CKAP5: variants seen among roughly 807,000 people sequenced by gnomAD.
The protein encoded by CKAP5 is cytoskeleton associated protein 5.
CKAP5 carries 27 observed loss-of-function variants against 232.8 expected under a neutral mutation model. The ratio of observed to expected loss-of-function variants is 0.12; its 90% confidence interval spans 0.09 to 0.16. The LOEUF is 0.16. Ranked by LOEUF, CKAP5 falls within the 10% of genes least tolerant of loss-of-function variation. The pLI, the probability that CKAP5 is intolerant of heterozygous loss-of-function variation, is 1.00. For synonymous variants in CKAP5, 785 were observed against 841.1 expected (o/e 0.93, Z 1.16); for missense variants, 1,838 against 2,424.7 (o/e 0.76, Z 5.08).
intron 1 of CKAP5, among the ~76,000 whole-genome samples, chr11:46,844,439 A>C (rs919931539): frequency 4.6e-5 from 7 of 152,150 alleles, no homozygotes; most frequent in Non-Finnish European, 1.0e-4. Context: ...AACAAACAAA[A>C]AACACCAAAA....
chr11:46,797,417 G>A (rs964894117), intron 11 of CKAP5, among the ~76,000 whole-genome samples: 1 of 151,736 alleles, frequency 6.6e-6, no homozygotes, highest in African/African-American at 2.4e-5. Context: ...AAATTTTTCG[G>A]GTTAAGGAAA....
intron 1 of CKAP5, among the ~76,000 whole-genome samples, chr11:46,827,766 C>G (rs574476872): frequency 6.6e-6 from 1 of 152,310 alleles, no homozygotes; most frequent in East Asian, 1.9e-4. Flanking sequence ...GTGCAATCAT[C>G]TAATTTAATA....
At chr11:46,762,876 C>A (rs1464149952) in intron 30 of CKAP5, 100 bp downstream of exon 30, 2 of 1,438,906 alleles carry the variant, frequency 1.4e-6, no homozygotes, top group South Asian at 1.2e-5. Flanking sequence ...AGGGAAGGTA[C>A]CGTGATATAA....
chr11:46,799,251 T>C (rs1027219210), intron 9 of CKAP5, among the ~76,000 whole-genome samples: 4 of 152,120 alleles, frequency 2.6e-5, no homozygotes, highest in Non-Finnish European at 5.9e-5. Context: ...GGTTTCTCCA[T>C]GTTGCCCAGG....
chr11:46,790,092 A>C lies in CKAP5; in HGVS notation c.1859T>G (p.Met620Arg). The change falls in exon 15 of 44, where the codon ATG (methionine) becomes AGG (arginine). Residue 620 changes from methionine (M) to arginine (R), a missense_variant. Physicochemically the swap from Met to Arg is moderately conservative, Grantham distance 91 (BLOSUM62 -1). This residue lies in a region of CKAP5 where 767 missense variants were observed against 954.6 expected (regional missense o/e 0.80). Coordinates refer to ENST00000529230, the MANE Select transcript of CKAP5 (RefSeq NM_001008938.4). ...ATGCACTACCTTCTGGAACTCTTCCATACAAGCCAGCCTTTCTTTCCAGTT... is the reference window on the plus strand; with the variant it reads ...ATGCACTACCTTCTGGAACTCTTCCCTACAAGCCAGCCTTTCTTTCCAGTT... Reference protein sequence around the residue: ...SSNWKERLACMEEFQKAVELM... With the variant: ...SSNWKERLACREEFQKAVELM... The C allele has an allele frequency of 1.9e-6, 3 of 1,611,094 alleles. No homozygotes were observed. The highest frequency in any genetic ancestry group is 2.5e-6 in the Non-Finnish European group (3 of 1,177,642).
intron 1 of CKAP5, among the ~76,000 whole-genome samples, chr11:46,826,580 C>T (rs1438150465): frequency 6.6e-6 from 1 of 152,204 alleles, no homozygotes; most frequent in African/African-American, 2.4e-5. Context: ...AAGCACCCTA[C>T]GGCTGCTGTC....
chr11:46,807,482 G>A (rs1939183610), intron 8 of CKAP5, among the ~76,000 whole-genome samples: 1 of 152,182 alleles, frequency 6.6e-6, no homozygotes. Context: ...CATATCCACA[G>A]TGTTTGATCT....
At chr11:46,805,742 C>T (rs1424928888) in intron 8 of CKAP5, among the ~76,000 whole-genome samples, 1 of 152,160 alleles carries the variant, frequency 6.6e-6, no homozygotes, top group Non-Finnish European at 1.5e-5. Context: ...TCGAGACTAG[C>T]CTGGCCAACA....
At chr11:46,826,673 G>C (rs907250914) in intron 1 of CKAP5, 3 of 152,284 alleles carry the variant, frequency 2.0e-5, no homozygotes, top group African/African-American at 4.8e-5. Context: ...CTTAGCCTCT[G>C]ATAGGCCAGC....
intron 12 of CKAP5, 79 bp downstream of exon 12, chr11:46,796,733 A>C: frequency 6.5e-7 from 1 of 1,536,836 alleles, no homozygotes; most frequent in Non-Finnish European, 8.9e-7. Context: ...CCAGTACTCT[A>C]TAACTGTCAA....
At chr11:46,804,707 T>G (rs1939113358) in intron 8 of CKAP5, among the ~76,000 whole-genome samples, 1 of 151,956 alleles carries the variant, frequency 6.6e-6, no homozygotes, top group Admixed American at 6.6e-5. Context: ...TTACTGTGTT[T>G]AGAAAACTAT....
rs1412610148 is a variant in CKAP5, at chr11:46,763,059, A to AT, written c.3807dup (p.Leu1270IlefsTer8). 1 of 1,613,634 alleles carries AT rather than the reference A, an allele frequency of 6.2e-7. No individual in the cohort carries two copies. Among genetic ancestry groups the AT allele is most frequent in the Non-Finnish European group, 8.5e-7 (1 of 1,179,532 alleles). ...TCTTCACTTAGCAAGGTGAAGAGCA[A>AT]TTTTAAATATTCTAGTGCTTTCATC... On this transcript the variant is annotated frameshift_variant, in exon 30 of 44. Coordinates refer to ENST00000529230, the MANE Select transcript of CKAP5 (RefSeq NM_001008938.4). LOFTEE classifies it high-confidence loss of function.
In CKAP5 at chr11:46,802,569, C is replaced by T. The variant is rs540610829; in HGVS notation, c.979-1265G>A. 1.4e-3 allele frequency among the ~76,000 whole-genome samples: 209 copies of T among 152,002 alleles called. 5 individuals are homozygous for T. The South Asian group carries it at 0.042, about 30-fold the overall frequency. On this transcript the variant is annotated intron_variant, in intron 8 of 43. Transcript: ENST00000529230. ...AGACAGACAGACAGACACACACACA[C>T]ACACACACACACACACACGGCTGCT...
chr11:46,838,072 T>G (rs1013685113), intron 1 of CKAP5, among the ~76,000 whole-genome samples: 33 of 152,310 alleles, frequency 2.2e-4, no homozygotes, highest in Non-Finnish European at 2.2e-4. Context: ...GTTGATAGCA[T>G]GTACCCTTGA....
chr11:46,824,893 T>C (rs1939618906), intron 1 of CKAP5, among the ~76,000 whole-genome samples: 1 of 152,214 alleles, frequency 6.6e-6, no homozygotes, highest in Admixed American at 6.5e-5. Context: ...ATGCTTGCTG[T>C]GGTTTATTTG....
rs202222012 is a variant in CKAP5, at chr11:46,767,679, T to C, written c.3323-16A>G. The C allele has an allele frequency of 6.6e-7, 1 of 1,508,440 alleles. No homozygotes were observed. Among genetic ancestry groups the C allele is most frequent in the Admixed American group, 1.7e-5 (1 of 58,102 alleles). 93.4% of individuals were successfully genotyped at this position (1,508,440 alleles called of 1,614,324 possible). A position where few individuals can be genotyped will look rare whatever the true frequency, so the allele number is the denominator to read the frequency against. Reference sequence around the variant, plus strand: ...TCAGCAGGTGCTTTGAGGAAAAAAATATATATATACTATAAACTTTAACTA... The same window carrying C: ...TCAGCAGGTGCTTTGAGGAAAAAAACATATATATACTATAAACTTTAACTA... On this transcript the variant is annotated splice_polypyrimidine_tract_variant and intron_variant, in intron 26 of 43. Transcript: ENST00000529230.
intron 37 of CKAP5, 80 bp downstream of exon 37, chr11:46,753,230 G>T: frequency 8.6e-7 from 1 of 1,165,396 alleles, no homozygotes; most frequent in South Asian, 1.6e-5. Context: ...CTAGGAAGTT[G>T]ACTTACGGAC....
Position 46,821,218 on chromosome 11 carries a change from C to T in CKAP5, c.14G>A (p.Ser5Asn), listed in dbSNP as rs1013278323. MGDD[S>N]EWLKLPVDQK... ...ATCAACTGGCAGTTTCAACCACTCA[C>T]TGTCATCTCCCATTGTGCTTCCAGG... Residue 5 changes from serine (S) to asparagine (N), a missense_variant, in exon 2 of 44, where the codon AGT becomes AAT. By Grantham distance (46) the Ser-to-Asn change is conservative. Transcript: ENST00000529230. 1.9e-6 allele frequency: 3 copies of T among 1,612,680 alleles called. No homozygotes were observed. The highest frequency in any genetic ancestry group is 2.5e-6 in the Non-Finnish European group (3 of 1,178,710).
At chr11:46,838,597 A>G (rs938923274) in intron 1 of CKAP5, among the ~76,000 whole-genome samples, 53 of 146,184 alleles carry the variant, frequency 3.6e-4, no homozygotes, top group African/African-American at 1.3e-3. Flanking sequence ...CCTGGGCAAC[A>G]TAGTAATACC....
Sources: allele counts gnomAD v4.1 joint callset (sites outside exome capture counted in the v4.1 genomes callset), GRCh38; gene constraint gnomAD v4.1.1; regional missense constraint gnomAD v4.1.1; transcripts MANE v1.5; gene names NCBI Gene and HGNC (gene_info 2026-07-23, HGNC 2026-07-21).